PCNX2: variants seen among roughly 807,000 people sequenced by gnomAD.
The protein encoded by PCNX2 is pecanex 2.
Under a neutral mutation model 223.8 loss-of-function variants are expected in PCNX2, and 168 were observed. The observed-to-expected ratio is 0.75, with a 90% CI of 0.66 to 0.85. PCNX2 has a LOEUF of 0.85. PCNX2 is among the 40% of genes least tolerant of loss of function. The pLI is 0.00. For synonymous variants in PCNX2, 1,006 were observed against 1,052.6 expected, an observed-to-expected ratio of 0.96 and a Z score of 0.86; for missense variants, 2,507 against 2,675.5, an observed-to-expected ratio of 0.94 and a Z score of 1.39.
chr1:233,046,040 A>T (rs1671811966), intron 25 of PCNX2, among the ~76,000 whole-genome samples: 1 of 152,248 alleles, frequency 6.6e-6, no homozygotes, highest in Non-Finnish European at 1.5e-5. Context: ...ACTCTTATTG[A>T]CACAAATGCA....
intron 23 of PCNX2, chr1:233,089,715 C>G (rs1006313120): frequency 3.8e-6 from 1 of 260,800 alleles, no homozygotes; most frequent in Non-Finnish European, 6.5e-6. Context: ...AAAAAGTATG[C>G]CATCCAGGGG....
chr1:233,238,701 A>AAAG (rs917812263), intron 8 of PCNX2, among the ~76,000 whole-genome samples: 1 of 151,760 alleles, frequency 6.6e-6, no homozygotes, highest in Admixed American at 6.6e-5. Flanking sequence ...CTCAAAAAAA[A>AAAG]AAAAAAAGCA....
At chr1:233,273,952 C>T (rs11587411) in intron 1 of PCNX2, among the ~76,000 whole-genome samples, 59,520 of 151,968 alleles carry the variant, frequency 0.39, 12,546 homozygotes, top group African/African-American at 0.56. Context: ...TAATAATTTC[C>T]CATTGTGTAA....
At position 233,223,624 on chromosome 1, in the gene PCNX2, C is replaced by G. The variant is rs532757559; in HGVS notation, c.2504+3602G>C. Among the ~76,000 whole-genome samples the G allele has an allele frequency of 4.4e-4, 67 of 152,184 alleles. 2 individuals carry two copies. In the South Asian group the frequency reaches 0.013, roughly 30 times the overall value. On this transcript the variant is annotated intron_variant, in intron 10 of 33. Coordinates refer to ENST00000258229, the MANE Select transcript of PCNX2 (RefSeq NM_014801.4). ...CTCTCCCTGCCCTTGTCCCCCACCCCCTGACAGGCCCCGGTGTGTGATGTT... is the reference window on the plus strand; with the variant it reads ...CTCTCCCTGCCCTTGTCCCCCACCCGCTGACAGGCCCCGGTGTGTGATGTT...
chr1:233,015,658 A>G (rs1670629831), intron 27 of PCNX2, among the ~76,000 whole-genome samples: 1 of 152,078 alleles, frequency 6.6e-6, no homozygotes, highest in South Asian at 2.1e-4. Context: ...GCGTCACTGC[A>G]CTCTAGCCTG....
intron 4 of PCNX2, among the ~76,000 whole-genome samples, chr1:233,260,359 G>C (rs1165559676): frequency 6.6e-6 from 1 of 152,152 alleles, no homozygotes; most frequent in East Asian, 1.9e-4. Context: ...GATATTCAAA[G>C]TATGTAAGAT....
intron 23 of PCNX2, chr1:233,065,624 C>G (rs1347753676): frequency 6.6e-6 from 1 of 151,730 alleles, no homozygotes; most frequent in East Asian, 1.9e-4. Flanking sequence ...TGGTGAGTTT[C>G]TCTGTTTTTA....
intron 25 of PCNX2, among the ~76,000 whole-genome samples, chr1:233,044,823 C>T (rs1671773116): frequency 6.6e-6 from 1 of 152,054 alleles, no homozygotes; most frequent in Non-Finnish European, 1.5e-5. Context: ...TGCATGCCAC[C>T]ACGCCCAGCT....
chr1:233,048,485 A>C (rs1476696215), intron 25 of PCNX2, among the ~76,000 whole-genome samples: 1 of 152,194 alleles, frequency 6.6e-6, no homozygotes, highest in Admixed American at 6.5e-5. Context: ...GACACAACAT[A>C]CCAAAATTTC....
intron 25 of PCNX2, among the ~76,000 whole-genome samples, chr1:233,040,360 T>A (rs560092118): frequency 6.6e-6 from 1 of 152,370 alleles, no homozygotes; most frequent in East Asian, 1.9e-4. Context: ...CATCCTCCCA[T>A]GAGAGAATGC....
chr1:233,150,723 T>G (rs1484678748), intron 19 of PCNX2, among the ~76,000 whole-genome samples: 1 of 141,972 alleles, frequency 7.0e-6, no homozygotes, highest in Non-Finnish European at 1.5e-5. Context: ...TTTTTAATGT[T>G]CATTTCCCCA....
intron 21 of PCNX2, among the ~76,000 whole-genome samples, chr1:233,133,957 G>GT (rs1192291581): frequency 6.6e-6 from 1 of 152,070 alleles, no homozygotes; most frequent in African/African-American, 2.4e-5. Flanking sequence ...CGATACAAGA[G>GT]TTTTTTATTT....
chr1:233,240,797 C>T (rs537161030), intron 8 of PCNX2, among the ~76,000 whole-genome samples: 1 of 152,260 alleles, frequency 6.6e-6, no homozygotes, highest in East Asian at 1.9e-4. Context: ...TCAAATTGAC[C>T]ATGACGATAT....
chr1:233,289,734 A>C (rs1661651676), intron 1 of PCNX2, among the ~76,000 whole-genome samples: 1 of 152,248 alleles, frequency 6.6e-6, no homozygotes, highest in African/African-American at 2.4e-5. Context: ...TTAACAGAGA[A>C]AGCCTTTCTT....
chr1:233,010,988 C>T (rs1297058973), intron 28 of PCNX2, among the ~76,000 whole-genome samples: 1 of 152,144 alleles, frequency 6.6e-6, no homozygotes, highest in Non-Finnish European at 1.5e-5. Context: ...CAGTGTTCAC[C>T]ATCACCTGAT....
chr1:233,263,579 C>T (rs1214363244), intron 1 of PCNX2, among the ~76,000 whole-genome samples: 2 of 151,890 alleles, frequency 1.3e-5, no homozygotes, highest in African/African-American at 4.8e-5. Context: ...CCTCAGCCTC[C>T]CGAGGAGCTG....
At chr1:233,318,563 C>CTTTTTTTTTT in the PCNX2 span, among the ~76,000 whole-genome samples, 15 of 92,516 alleles carry the variant, frequency 1.6e-4, no homozygotes, top group African/African-American at 4.5e-4. Flanking sequence ...TTTTCTTTTT[C>CTTTTTTTTTT]TTTTTTTTTT....
chr1:233,092,649 G>C (rs1370699819), intron 22 of PCNX2, among the ~76,000 whole-genome samples: 1 of 152,126 alleles, frequency 6.6e-6, no homozygotes, highest in African/African-American at 2.4e-5. Flanking sequence ...GCAGTACCAA[G>C]AAAGAAGAGC....
At chr1:233,182,355 T>C (rs1003323149) in intron 15 of PCNX2, among the ~76,000 whole-genome samples, 11 of 152,190 alleles carry the variant, frequency 7.2e-5, no homozygotes, top group Non-Finnish European at 1.6e-4. Flanking sequence ...CATTGCATCC[T>C]GTCTGGTTAA....
Sources: gnomAD v4.1 joint callset for allele counts (sites outside exome capture counted in the v4.1 genomes callset) on GRCh38, gnomAD v4.1.1 for gene constraint, MANE v1.5 for transcripts, NCBI Gene and HGNC (gene_info 2026-07-23, HGNC 2026-07-21) for gene names.